Variants in PDE4D observed in about 807,000 individuals in gnomAD.
The protein encoded by PDE4D is 3',5'-cyclic-AMP phosphodiesterase 4D.
Under a neutral mutation model 87.4 loss-of-function variants are expected in PDE4D, and 24 were observed. The ratio of observed to expected loss-of-function variants is 0.27; its 90% CI spans 0.20 to 0.39. PDE4D has a LOEUF of 0.39. PDE4D is among the 10% of genes least tolerant of loss of function. The pLI is 1.00. For synonymous variants in PDE4D, 384 were observed against 383.2 expected, an observed-to-expected ratio of 1.00 and a Z score of -0.02; for missense variants, 714 against 1,041.0, an observed-to-expected ratio of 0.69 and a Z score of 4.32.
chr5:59,548,871 C>A (rs1277951048), intron 1 of PDE4D, among the ~76,000 whole-genome samples: 2 of 152,112 alleles, frequency 1.3e-5, no homozygotes, highest in African/African-American at 4.8e-5. Context: ...TGACACCCCA[C>A]TAGAACTTTT....
intron 1 of PDE4D, among the ~76,000 whole-genome samples, chr5:60,371,745 G>A (rs372038691): frequency 7.9e-5 from 12 of 152,264 alleles, no homozygotes; most frequent in African/African-American, 2.9e-4. Context: ...TAAGCTTTAT[G>A]TAAATGAAAT....
In PDE4D at chr5:60,211,566, AT is replaced by A. The variant is rs568040215; in HGVS notation, c.-89-25880del. Among the ~76,000 whole-genome samples the A allele has an allele frequency of 3.9e-3, 577 of 149,468 alleles. 4 individuals are homozygous for A. The highest frequency in any genetic ancestry group is 0.013 in the African/African-American group (545 of 41,014). ...TATATATGTTTTATATATTGTGTTT[AT>A]TACGCGTTTTATTTGTATATTTTTA... On this transcript the variant is annotated intron_variant, in intron 1 of 16. Coordinates refer to the PDE4D transcript ENST00000502484.
intron 1 of PDE4D, among the ~76,000 whole-genome samples, chr5:59,328,829 A>G (rs980174643): frequency 8.5e-5 from 13 of 152,216 alleles, no homozygotes; most frequent in African/African-American, 3.1e-4. Flanking sequence ...AATCAAGTCA[A>G]TTGAATACGT....
chr5:60,288,635 C>T (rs1322386693), intron 1 of PDE4D, among the ~76,000 whole-genome samples: 1 of 152,184 alleles, frequency 6.6e-6, no homozygotes, highest in Non-Finnish European at 1.5e-5. Flanking sequence ...TTTTATTTCA[C>T]AGACAACTCT....
chr5:60,032,428 T>A (rs556094939), intron 2 of PDE4D, among the ~76,000 whole-genome samples: 1 of 152,342 alleles, frequency 6.6e-6, no homozygotes, highest in South Asian at 2.1e-4. Context: ...TTTGATGATC[T>A]CAACACTTTC....
chr5:60,296,002 T>C (rs973352109), intron 1 of PDE4D, among the ~76,000 whole-genome samples: 1 of 152,214 alleles, frequency 6.6e-6, no homozygotes, highest in Admixed American at 6.5e-5. Context: ...AGATGGCACC[T>C]TCTCACGGTG....
intron 1 of PDE4D, among the ~76,000 whole-genome samples, chr5:59,546,184 A>T (rs1030608428): frequency 6.6e-6 from 1 of 152,178 alleles, no homozygotes; most frequent in African/African-American, 2.4e-5. Context: ...AGGAGCTCAT[A>T]GAAATGTTAA....
intron 3 of PDE4D, among the ~76,000 whole-genome samples, chr5:59,899,135 C>A (rs1042501925): frequency 2.6e-5 from 4 of 152,080 alleles, no homozygotes; most frequent in Non-Finnish European, 5.9e-5. Context: ...TTATTTAATT[C>A]TTGCAACAGT....
intron 1 of PDE4D, chr5:59,217,249 T>C (rs561320004): frequency 1.1e-4 from 50 of 456,004 alleles, no homozygotes; most frequent in African/African-American, 7.4e-4. Context: ...TGTGTGGTTT[T>C]AAAGAAAAAC....
At chr5:59,900,686 C>T (rs1051122570) in intron 3 of PDE4D, among the ~76,000 whole-genome samples, 30 of 152,290 alleles carry the variant, frequency 2.0e-4, no homozygotes, top group African/African-American at 6.7e-4. Context: ...GTCCATCTGT[C>T]ACAAGCTCTT....
intron 1 of PDE4D, among the ~76,000 whole-genome samples, chr5:59,452,311 C>T (rs545315400): frequency 6.6e-6 from 1 of 152,334 alleles, no homozygotes; most frequent in African/African-American, 2.4e-5. Flanking sequence ...AAGGCTTTAT[C>T]AAACAGCTTC....
intron 1 of PDE4D, among the ~76,000 whole-genome samples, chr5:59,328,001 A>G (rs1033167709): frequency 1.3e-5 from 2 of 152,244 alleles, no homozygotes; most frequent in Admixed American, 6.5e-5. Context: ...ATACAAAATT[A>G]TCAGAGAAGT....
At chr5:59,430,506 A>G (rs1386066900) in intron 1 of PDE4D, 7 of 1,038,506 alleles carry the variant, frequency 6.7e-6, no homozygotes, top group Non-Finnish European at 8.6e-6. Flanking sequence ...CAGATAATAG[A>G]TTTCAGACAT....
intron 1 of PDE4D, among the ~76,000 whole-genome samples, chr5:59,621,195 G>C (rs1017824657): frequency 6.6e-6 from 1 of 152,158 alleles, no homozygotes; most frequent in African/African-American, 2.4e-5. Context: ...TCTTAGACTA[G>C]GGCCTGCCCT....
chr5:60,321,356 T>C (rs1399984281), intron 1 of PDE4D, among the ~76,000 whole-genome samples: 1 of 152,026 alleles, frequency 6.6e-6, no homozygotes, highest in East Asian at 1.9e-4. Context: ...TGCAGATTGA[T>C]GCTGGACCTC....
At chr5:59,039,993 T>G (rs923701084) in intron 5 of PDE4D, 75 of 152,628 alleles carry the variant, frequency 4.9e-4, no homozygotes, top group African/African-American at 1.7e-3. Context: ...GCCGAGCCAC[T>G]GCCCTCCAGG....
chr5:59,712,171 A>G (rs1178581089), intron 1 of PDE4D, among the ~76,000 whole-genome samples: 2 of 151,974 alleles, frequency 1.3e-5, no homozygotes, highest in Admixed American at 6.5e-5. Flanking sequence ...AATAACATCA[A>G]ACAAAGTTAT....
chr5:59,424,121 A>C (rs1794874296), intron 1 of PDE4D, among the ~76,000 whole-genome samples: 1 of 152,262 alleles, frequency 6.6e-6, no homozygotes, highest in South Asian at 2.1e-4. Flanking sequence ...CTGGGCCATA[A>C]GAAAAAAGGA....
intron 1 of PDE4D, among the ~76,000 whole-genome samples, chr5:59,782,083 CTT>C (rs972144373): frequency 3.3e-5 from 5 of 152,100 alleles, no homozygotes; most frequent in African/African-American, 1.2e-4. Flanking sequence ...CATAATTAAA[CTT>C]TAGATAATTG....
Sources: allele counts gnomAD v4.1 joint callset (sites outside exome capture counted in the v4.1 genomes callset), GRCh38; gene constraint gnomAD v4.1.1; transcripts MANE v1.5; gene names NCBI Gene and HGNC (gene_info 2026-07-23, HGNC 2026-07-21).